Variants in CALN1 observed in about 807,000 individuals in gnomAD.
CALN1 encodes calneuron 1, also known as calcium-binding protein 8.
CALN1 carries 17 observed loss-of-function variants against 30.6 expected under a neutral mutation model. The ratio of observed to expected loss-of-function variants is 0.56; its 90% CI spans 0.38 to 0.83. The LOEUF (loss-of-function observed/expected upper bound fraction) is 0.83, where lower values mean the gene tolerates loss of function less well. Among genes scored for constraint, CALN1 ranks in the 40% least tolerant of loss-of-function variants. The pLI, the probability that CALN1 is intolerant of heterozygous loss-of-function variation, is 0.00. For missense variants in CALN1, 291 were observed against 354.9 expected, an observed-to-expected ratio of 0.82 and a Z score of 1.45; for synonymous variants, 156 against 131.4, an observed-to-expected ratio of 1.19 and a Z score of -1.28.
At chr7:72,318,946 G>A (rs1442001572) in intron 2 of CALN1, among the ~76,000 whole-genome samples, 1 of 151,528 alleles carries the variant, frequency 6.6e-6, no homozygotes, top group Non-Finnish European at 1.5e-5. Flanking sequence ...GAATACAAAT[G>A]AGCACAACCT....
At chr7:72,202,345 A>G (rs1224318256) in intron 3 of CALN1, among the ~76,000 whole-genome samples, 3 of 152,208 alleles carry the variant, frequency 2.0e-5, no homozygotes, top group Non-Finnish European at 2.9e-5. Context: ...CAATATAAAT[A>G]TAATAAATTT....
chr7:71,813,799 C>T (rs536814617), intron 5 of CALN1, among the ~76,000 whole-genome samples: 96 of 151,798 alleles, frequency 6.3e-4, no homozygotes, highest in Non-Finnish European at 1.0e-3. Context: ...GGCATGGTGG[C>T]GGGCGCCTGT....
intron 4 of CALN1, among the ~76,000 whole-genome samples, chr7:72,071,952 C>T (rs1804424935): frequency 6.6e-6 from 1 of 152,014 alleles, no homozygotes; most frequent in African/African-American, 2.4e-5. Context: ...GAACTTGAAG[C>T]TAGCTTAAAG....
chr7:72,455,546 A>C, the CALN1 span, among the ~76,000 whole-genome samples: 12 of 151,964 alleles, frequency 7.9e-5, no homozygotes, highest in Non-Finnish European at 1.6e-4. Context: ...AGGAAAGACA[A>C]ATTTCAAACA....
chr7:71,922,616 ATATAT>A (rs1315605793), intron 5 of CALN1, among the ~76,000 whole-genome samples: 1 of 139,146 alleles, frequency 7.2e-6, no homozygotes, highest in Non-Finnish European at 1.5e-5. Flanking sequence ...AACACACAGA[ATATAT>A]TATATATAAA....
intron 2 of CALN1, among the ~76,000 whole-genome samples, chr7:72,383,324 T>C (rs1018456188): frequency 3.9e-5 from 6 of 152,370 alleles, no homozygotes; most frequent in South Asian, 2.1e-4. Flanking sequence ...TTTTAGTTCT[T>C]TGAGAAATCT....
At chr7:72,335,975 G>A (rs978988408) in intron 2 of CALN1, among the ~76,000 whole-genome samples, 8 of 152,192 alleles carry the variant, frequency 5.3e-5, no homozygotes, top group African/African-American at 7.2e-5. Flanking sequence ...CTAGGAACCC[G>A]AGTAAACCCA....
intron 2 of CALN1, among the ~76,000 whole-genome samples, chr7:72,345,101 T>C (rs941033012): frequency 6.7e-6 from 1 of 148,896 alleles, no homozygotes; most frequent in East Asian, 1.9e-4. Context: ...TGTTATATAA[T>C]TATGTTATAC....
intron 4 of CALN1, among the ~76,000 whole-genome samples, chr7:72,041,580 C>A (rs1443075407): frequency 6.6e-6 from 1 of 152,060 alleles, no homozygotes; most frequent in African/African-American, 2.4e-5. Flanking sequence ...GACAGCGTTT[C>A]ATCATGTTGG....
the CALN1 span, among the ~76,000 whole-genome samples, chr7:72,501,928 A>AATATATATATATATATAT: frequency 1.7e-5 from 1 of 57,968 alleles, no homozygotes; most frequent in Non-Finnish European, 3.1e-5. Flanking sequence ...AAAAAAAAAA[A>AATATATATATATATATAT]ATATATATAT....
chr7:71,788,045 G>A, intron 6 of CALN1, 143 bp from the exon 7 acceptor site: 1 of 1,099,054 alleles, frequency 9.1e-7, no homozygotes, highest in Non-Finnish European at 1.3e-6. Context: ...GTCAAATCAA[G>A]TTGACAGGCA....
At chr7:72,017,486 A>G (rs1186831592) in intron 5 of CALN1, among the ~76,000 whole-genome samples, 2 of 152,096 alleles carry the variant, frequency 1.3e-5, no homozygotes, top group African/African-American at 4.8e-5. Flanking sequence ...GTAATTTACA[A>G]TGTCTTGCAC....
intron 4 of CALN1, among the ~76,000 whole-genome samples, chr7:72,074,496 C>T (rs1482130019): frequency 2.0e-5 from 3 of 152,158 alleles, no homozygotes; most frequent in Non-Finnish European, 4.4e-5. Flanking sequence ...CAACCTCTGC[C>T]TCCCACGTTC....
the CALN1 span, among the ~76,000 whole-genome samples, chr7:72,476,949 G>A: frequency 7.9e-5 from 12 of 152,190 alleles, no homozygotes; most frequent in South Asian, 2.1e-4. Context: ...CGTGGCTCAC[G>A]CATGTAATCC....
At chr7:72,381,784 G>A (rs1438914645) in intron 2 of CALN1, among the ~76,000 whole-genome samples, 1 of 152,148 alleles carries the variant, frequency 6.6e-6, no homozygotes, top group Non-Finnish European at 1.5e-5. Flanking sequence ...GGGTTGATAG[G>A]TGCAGCAAAC....
chr7:72,203,457 G>C (rs1406452363), intron 3 of CALN1, among the ~76,000 whole-genome samples: 8 of 152,144 alleles, frequency 5.3e-5, no homozygotes, highest in African/African-American at 1.7e-4. Flanking sequence ...AACTCCGGCA[G>C]GTTTGGGGTG....
the CALN1 span, among the ~76,000 whole-genome samples, chr7:72,462,520 GC>G: frequency 2.0e-5 from 3 of 152,148 alleles, no homozygotes; most frequent in Non-Finnish European, 4.4e-5. Context: ...GGTGTGCGGT[GC>G]CTGCTGGGAA....
intron 2 of CALN1, among the ~76,000 whole-genome samples, chr7:72,323,274 C>T (rs1340992166): frequency 6.6e-6 from 1 of 152,096 alleles, no homozygotes; most frequent in East Asian, 1.9e-4. Flanking sequence ...TGAACCCACG[C>T]TACCAGGCAT....
At chr7:72,363,222 G>A (rs1166362106) in intron 2 of CALN1, among the ~76,000 whole-genome samples, 4 of 149,454 alleles carry the variant, frequency 2.7e-5, no homozygotes, top group Non-Finnish European at 6.0e-5. Context: ...TCCCTTCTGT[G>A]AGATTATGAC....
Sources: gnomAD v4.1 joint callset for allele counts (sites outside exome capture counted in the v4.1 genomes callset) on GRCh38, gnomAD v4.1.1 for gene constraint, MANE v1.5 for transcripts, NCBI Gene and HGNC (gene_info 2026-07-23, HGNC 2026-07-21) for gene names.